Variants in GRSF1 observed in about 807,000 individuals in gnomAD.
GRSF1 encodes G-rich RNA sequence binding factor 1, also known as G-rich sequence factor 1.
A neutral mutation model predicts 51.1 loss-of-function variants in GRSF1; 50 were observed. The observed-to-expected ratio is 0.98, with a 90% CI of 0.78 to 1.24. The LOEUF (loss-of-function observed/expected upper bound fraction) is 1.24, where lower values mean the gene tolerates loss of function less well. Among genes scored for constraint, GRSF1 ranks in the 50% most tolerant of loss-of-function variants. GRSF1 has a pLI of 0.00. For synonymous variants in GRSF1, 293 were observed against 253.3 expected (o/e 1.16, Z -1.49); for missense variants, 700 against 639.7 (o/e 1.09, Z -1.02).
In GRSF1 at chr4:70,832,440, T is replaced by C. The variant is rs376009449; in HGVS notation, c.681A>G (p.Ile227Met). 2 of 1,602,870 alleles carry C rather than the reference T, an allele frequency of 1.2e-6. No homozygotes were observed. The highest frequency in any genetic ancestry group is 1.7e-5 in the Admixed American group (1 of 59,926). ...TTAAGGCATCCACATCTTCATTGTT[T>C]ATCTCATATACTACGAAGAAAAAAC... is the stretch of plus-strand genomic sequence containing the variant. ...MGQRYVEVYE[I>M]NNEDVDALMK... Residue 227 changes from isoleucine to methionine, a missense_variant, in exon 4 of 10, where the codon ATA becomes ATG. Coordinates refer to ENST00000254799, the MANE Select transcript of GRSF1 (RefSeq NM_002092.4).
At chr4:70,827,831 C>A in intron 6 of GRSF1, 21 bp downstream of exon 6, 1 of 1,555,188 alleles carries the variant, frequency 6.4e-7, no homozygotes, top group South Asian at 1.2e-5. Flanking sequence ...CAATGAGTCT[C>A]AAGAAGAGGC....
intron 2 of GRSF1, among the ~76,000 whole-genome samples, chr4:70,835,652 A>T (rs1203710427): frequency 1.3e-5 from 2 of 151,876 alleles, no homozygotes; most frequent in Non-Finnish European, 2.9e-5. Context: ...TATGTTAGCC[A>T]GGATGGTCTC....
chr4:70,825,734 C>T (rs1293407127), intron 7 of GRSF1: 2 of 288,436 alleles, frequency 6.9e-6, no homozygotes, highest in Non-Finnish European at 1.3e-5. Context: ...GAGATCAAAA[C>T]CAGCCTGGCC....
upstream of GRSF1, among the ~76,000 whole-genome samples, chr4:70,840,935 GATA>G (rs1734441071): frequency 6.6e-6 from 1 of 152,134 alleles, no homozygotes; most frequent in African/African-American, 2.4e-5. Flanking sequence ...AAATCGTTGG[GATA>G]ATATCAGAGA....
At chr4:70,841,692 GACT>G (rs1191699784), upstream of GRSF1, among the ~76,000 whole-genome samples, 1 of 151,950 alleles carries the variant, frequency 6.6e-6, no homozygotes, top group Non-Finnish European at 1.5e-5. Context: ...GTTTAACCTG[GACT>G]ACTTTTAGGT....
intron 5 of GRSF1, among the ~76,000 whole-genome samples, chr4:70,829,665 C>T (rs2148841027): frequency 6.6e-6 from 1 of 152,130 alleles, no homozygotes; most frequent in Non-Finnish European, 1.5e-5. Flanking sequence ...ATTAGCCAGG[C>T]ATGGTGATGC....
At chr4:70,824,420 A>C in intron 8 of GRSF1, 52 bp from the exon 9 acceptor site, 1 of 901,162 alleles carries the variant, frequency 1.1e-6, no homozygotes, top group Admixed American at 2.0e-5. Flanking sequence ...GTAGAAAAAT[A>C]TTACAGCCAT....
At position 70,838,988 on chromosome 4, in the gene GRSF1, A is replaced by G. The variant is rs114808668; in HGVS notation, c.357+483T>C. ...AGGCTCCTTCCCTACAAGCCAGCCC[A>G]CGCAACTGTGTGCGCGCACCTTCCC... On this transcript the variant is annotated intron_variant, in intron 1 of 9. Transcript: ENST00000254799. 578 of 440,404 alleles carry G rather than the reference A, an allele frequency of 1.3e-3. 3 individuals carry two copies. Among genetic ancestry groups the G allele is most frequent in the African/African-American group, 0.011 (543 of 48,172 alleles). The allele number at this position is 440,404 out of a possible 1,614,324, so 27.3% of individuals were successfully genotyped here.
chr4:70,839,166 A>C (rs1190760197), intron 1 of GRSF1: 1 of 1,348,532 alleles, frequency 7.4e-7, no homozygotes, highest in East Asian at 4.4e-5. Flanking sequence ...CAGCAGCCTC[A>C]CGAAACCTAC....
Position 70,839,535 on chromosome 4 carries a change from C to G in GRSF1, c.293G>C (p.Arg98Pro). The change falls in exon 1 of 10, where the codon CGT becomes CCT. Residue 98 changes from arginine (R) to proline (P), a missense_variant. By Grantham distance (103) the Arg-to-Pro change is moderately radical. Transcript: ENST00000254799. ...CAGCGACTGCGGCAGCAGAGAGGCA[C>G]GGAGGGCAGAGTAGGACGCGGCGGC... ...AAAAASYSAL[R>P]ASLLPQSLAA... The G allele has an allele frequency of 6.9e-7, 1 of 1,449,780 alleles. No individual in the cohort carries two copies. The highest frequency in any genetic ancestry group is 2.3e-4 in the Middle Eastern group (1 of 4,266). 89.8% of individuals were successfully genotyped at this position (1,449,780 alleles called of 1,614,324 possible). A position where few individuals can be genotyped will look rare whatever the true frequency, so the allele number is the denominator to read the frequency against.
chr4:70,840,086 C>A (rs1325084713), upstream of GRSF1: 2 of 320,362 alleles, frequency 6.2e-6, no homozygotes, highest in African/African-American at 2.5e-5. Context: ...TTGGGCGGGG[C>A]TGCCCATGGT....
chr4:70,838,990 G>GC (rs1336370591), intron 1 of GRSF1: 8 of 444,156 alleles, frequency 1.8e-5, no homozygotes, highest in Admixed American at 1.1e-4. Flanking sequence ...GCCAGCCCAC[G>GC]CAACTGTGTG....
At chr4:70,837,428 G>C (rs984399351) in intron 1 of GRSF1, among the ~76,000 whole-genome samples, 2 of 151,892 alleles carry the variant, frequency 1.3e-5, no homozygotes, top group African/African-American at 4.8e-5. Context: ...GCCGGGTGTG[G>C]TGGCGTGTGC....
chr4:70,825,286 C>A lies in GRSF1; in HGVS notation c.1393+10G>T. ...CAAAAATGACAACAAAAGCCAAAGG[C>A]AGGACTTACGAACGTGGGACCGATC... On this transcript the variant is annotated intron_variant, in intron 8 of 9. Coordinates refer to ENST00000254799, the MANE Select transcript of GRSF1 (RefSeq NM_002092.4). The A allele has an allele frequency of 6.3e-7, 1 of 1,593,958 alleles. No homozygotes were observed.
chr4:70,825,644 T>G (rs2148837681), intron 7 of GRSF1: 1 of 382,554 alleles, frequency 2.6e-6, no homozygotes, highest in Middle Eastern at 7.1e-4. Context: ...TTCAAATATC[T>G]GCTCTCAGCG....
upstream of GRSF1, among the ~76,000 whole-genome samples, chr4:70,842,393 A>G (rs983955621): frequency 2.0e-5 from 3 of 152,176 alleles, no homozygotes; most frequent in African/African-American, 7.2e-5. Context: ...CCCAGCCAAA[A>G]AAGAGAAGGG....
chr4:70,830,675 T>C (rs149633405), intron 5 of GRSF1, among the ~76,000 whole-genome samples: 3 of 151,912 alleles, frequency 2.0e-5, no homozygotes, highest in Non-Finnish European at 4.4e-5. Flanking sequence ...AAAACTTAGC[T>C]GGGCATGGTG....
intron 5 of GRSF1, among the ~76,000 whole-genome samples, chr4:70,829,114 C>T (rs899394334): frequency 9.9e-5 from 15 of 152,072 alleles, no homozygotes; most frequent in Non-Finnish European, 1.9e-4. Flanking sequence ...TGCTCTTGAA[C>T]TCCTGGGCTC....
chr4:70,823,610 T>A (rs1733610856), intron 9 of GRSF1, among the ~76,000 whole-genome samples: 1 of 150,630 alleles, frequency 6.6e-6, no homozygotes, highest in Non-Finnish European at 1.5e-5. Context: ...TGGCTCACTC[T>A]TGTAATTCCA....
Sources: gnomAD v4.1 joint callset for allele counts (sites outside exome capture counted in the v4.1 genomes callset) on GRCh38, gnomAD v4.1.1 for gene constraint, MANE v1.5 for transcripts, NCBI Gene and HGNC (gene_info 2026-07-23, HGNC 2026-07-21) for gene names.